The following EXT1 variants were observed in gnomAD, a reference collection of about 807,000 sequenced individuals.
EXT1 encodes the protein exostosin-1.
In EXT1, 20 loss-of-function variants were observed where a neutral mutation model predicts 82.5. The ratio of observed to expected loss-of-function variants is 0.24; its 90% CI spans 0.17 to 0.35. EXT1 has a LOEUF of 0.35. Among genes scored for constraint, EXT1 ranks in the 10% least tolerant of loss-of-function variants. The pLI, the probability that EXT1 is intolerant of heterozygous loss-of-function variation, is 1.00. For missense variants in EXT1, 757 were observed against 936.5 expected (o/e 0.81, Z 2.50); for synonymous variants, 348 against 350.8 (o/e 0.99, Z 0.09).
At chr8:117,960,299 A>G (rs1814674627) in intron 1 of EXT1, among the ~76,000 whole-genome samples, 1 of 152,230 alleles carries the variant, frequency 6.6e-6, no homozygotes, top group Non-Finnish European at 1.5e-5. Context: ...ATTTAGTGCA[A>G]TTTGCACTTT....
At chr8:118,004,060 C>CAA (rs1343171307) in intron 1 of EXT1, among the ~76,000 whole-genome samples, 1 of 151,908 alleles carries the variant, frequency 6.6e-6, no homozygotes, top group Non-Finnish European at 1.5e-5. Flanking sequence ...AGAAGTTCTT[C>CAA]AAAGAATAGA....
chr8:117,865,635 A>C (rs1314573226), intron 1 of EXT1, among the ~76,000 whole-genome samples: 2 of 152,198 alleles, frequency 1.3e-5, no homozygotes, highest in African/African-American at 2.4e-5. Flanking sequence ...GTTATAGATA[A>C]GATTATTTAT....
chr8:117,923,835 G>A (rs1486343840), intron 1 of EXT1, among the ~76,000 whole-genome samples: 1 of 152,208 alleles, frequency 6.6e-6, no homozygotes, highest in Non-Finnish European at 1.5e-5. Context: ...GCTGCATGGA[G>A]CACCACATTG....
At chr8:117,990,440 C>T (rs897848572) in intron 1 of EXT1, among the ~76,000 whole-genome samples, 2 of 152,160 alleles carry the variant, frequency 1.3e-5, no homozygotes, top group Non-Finnish European at 2.9e-5. Flanking sequence ...TCAGCTGAAG[C>T]GATATCTCGA....
rs560432676 is a variant in EXT1, at chr8:117,890,798, A to G, written c.963-53597T>C. 5.3e-5 allele frequency among the ~76,000 whole-genome samples: 8 copies of G among 152,210 alleles called. No individual in the cohort carries two copies. In the South Asian group the frequency reaches 1.5e-3, roughly 28 times the overall value. On this transcript the variant is annotated intron_variant, in intron 1 of 10. Coordinates refer to ENST00000378204, the MANE Select transcript of EXT1 (RefSeq NM_000127.3). ...TCTCATCCCATCTTGTAAGATCTAA[A>G]GATTCTATAAAAGCACTCAACTTTT...
At chr8:117,982,949 C>T (rs1276935726) in intron 1 of EXT1, among the ~76,000 whole-genome samples, 2 of 152,136 alleles carry the variant, frequency 1.3e-5, no homozygotes, top group Non-Finnish European at 1.5e-5. Flanking sequence ...ATATTTTTTA[C>T]AAGATAAAAA....
intron 1 of EXT1, among the ~76,000 whole-genome samples, chr8:118,078,071 AT>A (rs1046824641): frequency 2.3e-4 from 35 of 152,064 alleles, no homozygotes; most frequent in African/African-American, 8.0e-4. Context: ...TTTAAAACAA[AT>A]TTTTTTTCTA....
chr8:118,048,489 C>CA (rs1816657811), intron 1 of EXT1, among the ~76,000 whole-genome samples: 1 of 152,000 alleles, frequency 6.6e-6, no homozygotes, highest in African/African-American at 2.4e-5. Flanking sequence ...CCTCCCTTTC[C>CA]AAAAAAGCTA....
At chr8:117,897,136 G>A (rs1321657093) in intron 1 of EXT1, among the ~76,000 whole-genome samples, 1 of 152,210 alleles carries the variant, frequency 6.6e-6, no homozygotes, top group Non-Finnish European at 1.5e-5. Context: ...AGCCAGTTAA[G>A]AACTGAATAA....
chr8:117,899,641 C>T (rs1029816155), intron 1 of EXT1, among the ~76,000 whole-genome samples: 6 of 152,118 alleles, frequency 3.9e-5, no homozygotes, highest in African/African-American at 1.4e-4. Flanking sequence ...CTACATAAAT[C>T]TATTAATCCA....
intron 1 of EXT1, among the ~76,000 whole-genome samples, chr8:118,009,733 G>A (rs979779749): frequency 2.0e-5 from 3 of 152,148 alleles, no homozygotes; most frequent in Admixed American, 1.3e-4. Context: ...GAGGGATCTG[G>A]GTTGCACGCT....
At chr8:118,098,193 C>T (rs1218237766) in intron 1 of EXT1, among the ~76,000 whole-genome samples, 1 of 152,184 alleles carries the variant, frequency 6.6e-6, no homozygotes, top group Non-Finnish European at 1.5e-5. Context: ...TCCGTCAGGA[C>T]ACTGAAATGT....
intron 9 of EXT1, among the ~76,000 whole-genome samples, chr8:117,805,728 A>C (rs1391064976): frequency 6.6e-6 from 1 of 152,210 alleles, no homozygotes; most frequent in Non-Finnish European, 1.5e-5. Context: ...TAAAAAGACT[A>C]AGGCAAGATT....
chr8:118,014,491 G>A (rs1483067814), intron 1 of EXT1, among the ~76,000 whole-genome samples: 2 of 152,310 alleles, frequency 1.3e-5, no homozygotes, highest in Middle Eastern at 3.4e-3. Flanking sequence ...GAGAATGTCA[G>A]CATTAGAACC....
At chr8:118,091,365 G>C (rs533796388) in intron 1 of EXT1, among the ~76,000 whole-genome samples, 2 of 152,272 alleles carry the variant, frequency 1.3e-5, no homozygotes, top group African/African-American at 2.4e-5. Flanking sequence ...ACCTCAAGGA[G>C]GGTAAAATAT....
At chr8:117,908,615 G>A (rs1457831732) in intron 1 of EXT1, among the ~76,000 whole-genome samples, 1 of 151,938 alleles carries the variant, frequency 6.6e-6, no homozygotes, top group Non-Finnish European at 1.5e-5. Context: ...GGGCAACAGA[G>A]CGAGACACCA....
At chr8:117,992,740 AG>A (rs1274320382) in intron 1 of EXT1, among the ~76,000 whole-genome samples, 2 of 152,182 alleles carry the variant, frequency 1.3e-5, no homozygotes, top group African/African-American at 4.8e-5. Context: ...GAGGCAGTGG[AG>A]ATGGCTCTCA....
intron 1 of EXT1, among the ~76,000 whole-genome samples, chr8:117,917,109 G>A (rs1428983067): frequency 1.3e-5 from 2 of 152,038 alleles, no homozygotes; most frequent in East Asian, 3.9e-4. Flanking sequence ...TGAGAAAAAG[G>A]ATTTTCATAA....
At chr8:118,012,207 C>T (rs1414170169) in intron 1 of EXT1, among the ~76,000 whole-genome samples, 1 of 152,200 alleles carries the variant, frequency 6.6e-6, no homozygotes, top group African/African-American at 2.4e-5. Context: ...AGGCCAGATG[C>T]CAGTTTTCGG....
Sources: gnomAD v4.1 joint callset for allele counts (sites outside exome capture counted in the v4.1 genomes callset) on GRCh38, gnomAD v4.1.1 for gene constraint, MANE v1.5 for transcripts, NCBI Gene and HGNC (gene_info 2026-07-23, HGNC 2026-07-21) for gene names.